The following ARHGEF37 variants were observed in gnomAD, a reference collection of about 807,000 sequenced individuals.
The protein encoded by ARHGEF37 is Rho guanine nucleotide exchange factor (GEF) 37.
In ARHGEF37, 55 loss-of-function variants were observed where a neutral mutation model predicts 71.1. The observed-to-expected ratio is 0.77, with a 90% CI of 0.62 to 0.97. The LOEUF (loss-of-function observed/expected upper bound fraction) is 0.97, where lower values mean the gene tolerates loss of function less well. Ranked by LOEUF, ARHGEF37 falls within the 50% of genes least tolerant of loss-of-function variation. ARHGEF37 has a pLI of 0.00. For missense variants in ARHGEF37, 765 were observed against 836.8 expected (o/e 0.91, Z 1.06); for synonymous variants, 327 against 350.6 (o/e 0.93, Z 0.75).
chr5:149,603,609 A>G (rs1763823667), intron 3 of ARHGEF37, among the ~76,000 whole-genome samples: 1 of 152,204 alleles, frequency 6.6e-6, no homozygotes, highest in Non-Finnish European at 1.5e-5. Flanking sequence ...TACAAATGAT[A>G]AAGGAATGCA....
intron 1 of ARHGEF37, among the ~76,000 whole-genome samples, chr5:149,587,259 A>G (rs961055608): frequency 1.3e-5 from 2 of 152,138 alleles, no homozygotes; most frequent in African/African-American, 4.8e-5. Flanking sequence ...TCTTATTACT[A>G]TGATTAGCTG....
At chr5:149,602,254 A>G (rs1763779569) in intron 3 of ARHGEF37, among the ~76,000 whole-genome samples, 1 of 151,856 alleles carries the variant, frequency 6.6e-6, no homozygotes, top group African/African-American at 2.4e-5. Flanking sequence ...ACAGGGTTTC[A>G]CCGTATTGGT....
intron 4 of ARHGEF37, among the ~76,000 whole-genome samples, chr5:149,612,240 C>T (rs376484484): frequency 8.3e-4 from 127 of 152,204 alleles, no homozygotes; most frequent in East Asian, 9.7e-4. Flanking sequence ...CGATCTCGGC[C>T]CACTGCAACC....
rs201683478 is a variant in ARHGEF37 at position 149,565,829 on chromosome 5, A to ATTTTTTTTTTTTTTTTTT, written c.-12+13724_-12+13741dup. 5.7e-4 allele frequency among the ~76,000 whole-genome samples: 48 copies of ATTTTTTTTTTTTTTTTTT among 84,570 alleles called. 7 individuals carry two copies. The highest frequency in any genetic ancestry group is 8.5e-4 in the Non-Finnish European group (32 of 37,432). The allele number at this position is 84,570 out of a possible 152,430, so 55.5% of individuals were successfully genotyped here. The stretch of plus-strand genomic sequence containing the variant: ...TAGCTTTGTAATGTCAGAAACTCTA[A>ATTTTTTTTTTTTTTTTTT]TTTTTTTTTTTTTTTTTTTTTTTTT... On this transcript the variant is annotated intron_variant, in intron 1 of 2. Coordinates refer to the ARHGEF37 transcript ENST00000505810.
At chr5:149,624,193 G>T in intron 10 of ARHGEF37, 53 bp downstream of exon 10, 1 of 1,564,228 alleles carries the variant, frequency 6.4e-7, no homozygotes, top group Non-Finnish European at 8.7e-7. Context: ...CTGGCCAGTA[G>T]GGTGAGGCTC....
intron 1 of ARHGEF37, among the ~76,000 whole-genome samples, chr5:149,575,903 A>C (rs1484069126): frequency 6.6e-6 from 1 of 151,656 alleles, no homozygotes; most frequent in Admixed American, 6.6e-5. Context: ...AAATACAAAA[A>C]ATTAGCTGGG....
At chr5:149,620,322 G>A (rs754386346) in intron 7 of ARHGEF37, 32 bp from the exon 8 acceptor site, 3 of 1,466,388 alleles carry the variant, frequency 2.0e-6, no homozygotes, top group Non-Finnish European at 2.8e-6. Flanking sequence ...TGACAGGCAT[G>A]ATTGGATGTT....
chr5:149,591,384 G>C (rs1763401050), intron 1 of ARHGEF37, among the ~76,000 whole-genome samples: 1 of 152,074 alleles, frequency 6.6e-6, no homozygotes. Context: ...TGCTCGGCCA[G>C]CCTTTGTCTT....
Position 149,632,005 on chromosome 5 carries a change from G to T in ARHGEF37, c.1842G>T (p.Val614=). ...AGGTCATAGCCGCGTACCCTTTTGTGGCCAGAAGCAGCCATGAAGTGAGCC... is the reference window on the plus strand; with the variant it reads ...AGGTCATAGCCGCGTACCCTTTTGTTGCCAGAAGCAGCCATGAAGTGAGCC... ...MNQVIAAYPF[V]ARSSHEVSLQ... The change falls in exon 13 of 13, where the codon GTG becomes GTT. Residue 614 remains valine (V), a synonymous_variant. Transcript: ENST00000333677. 6.2e-7 allele frequency: 1 copy of T among 1,614,236 alleles called. No homozygotes were observed. Among genetic ancestry groups the T allele is most frequent in the Non-Finnish European group, 8.5e-7 (1 of 1,180,040 alleles).
chr5:149,603,809 A>G (rs565642892), intron 3 of ARHGEF37, among the ~76,000 whole-genome samples: 2 of 152,224 alleles, frequency 1.3e-5, no homozygotes, highest in South Asian at 4.1e-4. Flanking sequence ...GGTGGCACAC[A>G]CTTGTAATCC....
At chr5:149,565,866 T>TTTA in intron 1 of ARHGEF37, among the ~76,000 whole-genome samples, 1 of 133,832 alleles carries the variant, frequency 7.5e-6, no homozygotes, top group African/African-American at 2.8e-5. Context: ...TTTTTTTTTG[T>TTTA]GAGACAGAGT....
At position 149,618,978 on chromosome 5, in the gene ARHGEF37, A is replaced by G. The variant is rs1279342809; in HGVS notation, c.830A>G (p.Gln277Arg). The G allele has an allele frequency of 6.2e-7, 1 of 1,614,180 alleles. No individual in the cohort carries two copies. Among genetic ancestry groups the G allele is most frequent in the East Asian group, 2.2e-5 (1 of 44,888 alleles). The change falls in exon 7 of 13, where the codon CAG becomes CGG. Residue 277 changes from glutamine (Q) to arginine (R), a missense_variant. Gln to Arg is a conservative substitution (Grantham distance 43, BLOSUM62 1). Coordinates refer to ENST00000333677, the MANE Select transcript of ARHGEF37 (RefSeq NM_001001669.3). ...TTTGATGATTTAGAAGAGAGGTTCC[A>G]GTGGGTGTCTCTGTGTGTGACTGAG... Reference protein sequence around the residue: ...KEFDDLEERFQWVSLCVTELK... With the variant: ...KEFDDLEERFRWVSLCVTELK...
intron 1 of ARHGEF37, among the ~76,000 whole-genome samples, chr5:149,596,307 G>A (rs1166255686): frequency 1.3e-5 from 2 of 151,982 alleles, no homozygotes; most frequent in African/African-American, 2.4e-5. Flanking sequence ...TGCCCTTTAC[G>A]CTTTATTATT....
At position 149,561,478 on chromosome 5, in the gene ARHGEF37, A is replaced by G. The variant is rs142321888; in HGVS notation, c.-12+9355A>G. Among the ~76,000 whole-genome samples, 85 of 152,268 alleles carry G rather than the reference A, an allele frequency of 5.6e-4. No homozygotes were observed. In the East Asian group the frequency reaches 0.011, roughly 19 times the overall value. On this transcript the variant is annotated intron_variant, in intron 1 of 2. Transcript: ENST00000505810. ...ATCCTTGGCAAAGAGTTACTGTGAA[A>G]TAATGCCGGAGGCTTTAACTCGTTT...
intron 10 of ARHGEF37, among the ~76,000 whole-genome samples, chr5:149,626,414 T>C (rs1396193428): frequency 6.6e-6 from 1 of 152,168 alleles, no homozygotes; most frequent in Admixed American, 6.5e-5. Flanking sequence ...TATCATGCAA[T>C]GGAAAAACAG....
intron 1 of ARHGEF37, among the ~76,000 whole-genome samples, chr5:149,591,048 G>A (rs1314512948): frequency 6.6e-6 from 1 of 152,144 alleles, no homozygotes; most frequent in East Asian, 1.9e-4. Flanking sequence ...GAATAGTACA[G>A]AGGACCTCTT....
chr5:149,572,791 T>C (rs997914936), intron 1 of ARHGEF37, among the ~76,000 whole-genome samples: 1 of 152,156 alleles, frequency 6.6e-6, no homozygotes, highest in East Asian at 1.9e-4. Flanking sequence ...GCCAAACTGA[T>C]TGTGTTTGGA....
At chr5:149,569,421 GCGATT>G (rs1449892870) in intron 1 of ARHGEF37, among the ~76,000 whole-genome samples, 1 of 152,128 alleles carries the variant, frequency 6.6e-6, no homozygotes, top group East Asian at 1.9e-4. Flanking sequence ...CCAGGTTCAA[GCGATT>G]CTCCTGCCTC....
chr5:149,626,985 C>A (rs139499113), intron 10 of ARHGEF37, 91 bp from the exon 11 acceptor site: 10 of 1,388,540 alleles, frequency 7.2e-6, no homozygotes, highest in Admixed American at 3.9e-5. Context: ...AGGCCCAGTA[C>A]TCCTGGCTGT....
Sources: allele counts gnomAD v4.1 joint callset (sites outside exome capture counted in the v4.1 genomes callset), GRCh38; gene constraint gnomAD v4.1.1; transcripts MANE v1.5; gene names NCBI Gene and HGNC (gene_info 2026-07-23, HGNC 2026-07-21).